ACSF3: variants seen among roughly 807,000 people sequenced by gnomAD.
ACSF3 encodes the protein acyl-CoA synthetase family member 3, also known as malonate--CoA ligase ACSF3, mitochondrial.
Under a neutral mutation model 53.2 loss-of-function variants are expected in ACSF3, and 78 were observed. The observed-to-expected ratio is 1.47, with a 90% CI of 1.22 to 1.77. ACSF3 has a LOEUF of 1.77. ACSF3 is among the 40% of genes most tolerant of loss of function. ACSF3 has a pLI of 0.00. For missense variants in ACSF3, 937 were observed against 771.1 expected, an observed-to-expected ratio of 1.22 and a Z score of -2.55; for synonymous variants, 414 against 333.1, an observed-to-expected ratio of 1.24 and a Z score of -2.65.
chr16:89,096,746 ACT>A (rs1555558336), intron 1 of ACSF3, among the ~76,000 whole-genome samples: 2 of 151,784 alleles, frequency 1.3e-5, no homozygotes, highest in Non-Finnish European at 2.9e-5. Flanking sequence ...CCCTCGGCCG[ACT>A]CTGGCTAGGC....
intron 4 of ACSF3, among the ~76,000 whole-genome samples, chr16:89,109,246 A>AG (rs1044244158): frequency 9.8e-6 from 1 of 102,448 alleles, no homozygotes; most frequent in Non-Finnish European, 2.0e-5. Context: ...AAAAAAAAAA[A>AG]AAAAGAAAAG....
intron 8 of ACSF3, among the ~76,000 whole-genome samples, chr16:89,134,310 A>G (rs1463376703): frequency 1.3e-5 from 2 of 152,184 alleles, no homozygotes; most frequent in East Asian, 3.9e-4. Flanking sequence ...TGGGCCACAG[A>G]AAAGAACCAT....
In ACSF3 at chr16:89,114,646, G is replaced by T; in HGVS notation, c.1126+159G>T. 2.9e-6 allele frequency: 3 copies of T among 1,045,844 alleles called. No homozygotes were observed. The South Asian group carries it at 4.1e-5, about 14-fold the overall frequency. 64.8% of individuals were successfully genotyped at this position (1,045,844 alleles called of 1,614,324 possible). On this transcript the variant is annotated intron_variant, in intron 6 of 10. Transcript: ENST00000614302. ...GCCAGGAGAGCACTCAGGATGCACT[G>T]CGACCTGTCCCCTCTGGGTAGATCA...
In ACSF3 at chr16:89,154,487, C is replaced by G. The variant is rs1182136468; in HGVS notation, c.*280C>G. ...TGCAGCCAGCCCCTGGCCCCACGTG[C>G]TGAGGCACCTCCCGCCCCACAGTGC... On this transcript the variant is annotated 3_prime_UTR_variant, in exon 11 of 11. Transcript: ENST00000614302. The G allele has an allele frequency of 1.7e-6, 1 of 590,542 alleles. No homozygotes were observed. Among genetic ancestry groups the G allele is most frequent in the South Asian group, 1.5e-5 (1 of 65,672 alleles). 36.6% of individuals were successfully genotyped at this position (590,542 alleles called of 1,614,324 possible).
chr16:89,114,595 TGCTC>T, intron 6 of ACSF3, 108 bp downstream of exon 6: 1 of 1,526,026 alleles, frequency 6.6e-7, no homozygotes, highest in Non-Finnish European at 8.9e-7. Context: ...GCATGGAGGA[TGCTC>T]CCCCGTGGGA....
At chr16:89,130,228 A>C (rs759008284) in intron 7 of ACSF3, among the ~76,000 whole-genome samples, 1 of 152,112 alleles carries the variant, frequency 6.6e-6, no homozygotes, top group Non-Finnish European at 1.5e-5. Flanking sequence ...GGATATTTTC[A>C]TTGGATTAGG....
Position 89,102,570 on chromosome 16 carries a change from C to G in ACSF3, c.667-34C>G, listed in dbSNP as rs765656614. 47 of 1,611,938 alleles carry G rather than the reference C, an allele frequency of 2.9e-5. 1 individual carries two copies. In the South Asian group the frequency reaches 3.3e-4, roughly 11 times the overall value. On this transcript the variant is annotated intron_variant, in intron 3 of 10. Coordinates refer to ENST00000614302, the MANE Select transcript of ACSF3 (RefSeq NM_001243279.3). The stretch of plus-strand genomic sequence containing the variant: ...TGTGCTGTTGCGGGCCACAGTCTTG[C>G]TCTTGCTCTCAGCTGTGCTCTCGTC...
rs545842806 is a variant in ACSF3, at chr16:89,146,240, G to T, written c.1613+191G>T. Among the ~76,000 whole-genome samples, 40 of 152,312 alleles carry T rather than the reference G, an allele frequency of 2.6e-4. No homozygotes were observed. The Middle Eastern group carries it at 0.01, about 39-fold the overall frequency. ...GAGACGAGGGCAGGGGGCAGGAGCC[G>T]TGCTCAGATTTGACTTGGTGGCAAT... On this transcript the variant is annotated intron_variant, in intron 10 of 10. Coordinates refer to ENST00000614302, the MANE Select transcript of ACSF3 (RefSeq NM_001243279.3).
rs577197568 is a variant in ACSF3 at position 89,109,009 on chromosome 16, G to A, written c.823-3083G>A. Among the ~76,000 whole-genome samples the A allele has an allele frequency of 7.9e-5, 12 of 152,148 alleles. No homozygotes were observed. In the East Asian group the frequency reaches 1.2e-3, roughly 15 times the overall value. On this transcript the variant is annotated intron_variant, in intron 4 of 10. Transcript: ENST00000614302. ...GCACTTTGGGAGGCCGAGGCAGGTG[G>A]ATCACTTGAGGTCAGGAGTTTGAGA...
intron 7 of ACSF3, among the ~76,000 whole-genome samples, chr16:89,125,586 G>A (rs1259388480): frequency 6.6e-6 from 1 of 152,022 alleles, no homozygotes; most frequent in Non-Finnish European, 1.5e-5. Context: ...AGCTACTCGG[G>A]AGGCTGAGTC....
In ACSF3 at chr16:89,155,678, C is replaced by T. The variant is rs1048056966; in HGVS notation, c.*1471C>T. 5.7e-5 allele frequency: 26 copies of T among 454,048 alleles called. No homozygotes were observed. The highest frequency in any genetic ancestry group is 1.1e-4 in the Non-Finnish European group (25 of 226,802). 28.1% of individuals were successfully genotyped at this position (454,048 alleles called of 1,614,324 possible). A position where few individuals can be genotyped will look rare whatever the true frequency, so the allele number is the denominator to read the frequency against. The stretch of plus-strand genomic sequence containing the variant: ...GAGACTACAGTCCAGACGTTTGTGT[C>T]TAGGCCTTGCTGGTAGCTAAGGAAA... On this transcript the variant is annotated 3_prime_UTR_variant, in exon 11 of 11. Transcript: ENST00000614302.
intron 6 of ACSF3, among the ~76,000 whole-genome samples, chr16:89,117,286 T>C (rs1013850346): frequency 3.9e-5 from 6 of 152,198 alleles, no homozygotes; most frequent in Admixed American, 6.5e-5. Flanking sequence ...GGTCATATTT[T>C]GCACTCACAT....
Position 89,121,829 on chromosome 16 carries a change from A to G in ACSF3, c.1239+916A>G, listed in dbSNP as rs1388234412. ...CCTCCTTGTACCTTGGTTTCCACAC[A>G]TGACCACGTGAGGGTTGGAGCGATG... is the stretch of plus-strand genomic sequence containing the variant. On this transcript the variant is annotated intron_variant, in intron 7 of 10. Transcript: ENST00000614302. Among the ~76,000 whole-genome samples the G allele has an allele frequency of 2.6e-5, 4 of 152,186 alleles. No homozygotes were observed. The East Asian group carries it at 5.8e-4, about 22-fold the overall frequency.
chr16:89,107,137 A>T (rs1976080347), intron 4 of ACSF3, among the ~76,000 whole-genome samples: 1 of 152,142 alleles, frequency 6.6e-6, no homozygotes. Flanking sequence ...AGTTAGTCAA[A>T]TGTTATGGCG....
At chr16:89,102,517 G>A in intron 3 of ACSF3, 87 bp from the exon 4 acceptor site, 1 of 1,512,492 alleles carries the variant, frequency 6.6e-7, no homozygotes, top group Non-Finnish European at 9.1e-7. Flanking sequence ...GAGGCCCAGA[G>A]CTCCTTTCCG....
chr16:89,103,975 T>C (rs1222508875), intron 4 of ACSF3, among the ~76,000 whole-genome samples: 1 of 152,218 alleles, frequency 6.6e-6, no homozygotes, highest in African/African-American at 2.4e-5. Context: ...CGGGACCCTG[T>C]GCACAGCATC....
intron 7 of ACSF3, 90 bp downstream of exon 7, chr16:89,121,003 G>A: frequency 1.7e-6 from 2 of 1,199,092 alleles, no homozygotes; most frequent in Non-Finnish European, 2.4e-6. Flanking sequence ...TCCCCTGGAG[G>A]CAGACTCCCC....
chr16:89,125,344 A>AAATT (rs58401486), intron 7 of ACSF3, among the ~76,000 whole-genome samples: 38 of 6,504 alleles, frequency 5.8e-3, no homozygotes, highest in African/African-American at 0.021. Context: ...ACTCTGTCTC[A>AAATT]AAAAAAAAAA....
At chr16:89,139,412 C>G (rs985756775) in intron 8 of ACSF3, among the ~76,000 whole-genome samples, 3 of 152,070 alleles carry the variant, frequency 2.0e-5, no homozygotes, top group Admixed American at 6.5e-5. Context: ...AGGGTCCGTA[C>G]TTGGAGACTT....
Sources: gnomAD v4.1 joint callset for allele counts (sites outside exome capture counted in the v4.1 genomes callset) on GRCh38, gnomAD v4.1.1 for gene constraint, MANE v1.5 for transcripts, NCBI Gene and HGNC (gene_info 2026-07-23, HGNC 2026-07-21) for gene names.